The following STT3B variants were observed in gnomAD, a reference collection of about 807,000 sequenced individuals.
STT3B encodes STT3 oligosaccharyltransferase complex catalytic subunit B.
Under a neutral mutation model 96.8 loss-of-function variants are expected in STT3B, and 29 were observed. That is an observed-to-expected ratio of 0.30 (90% CI 0.22 to 0.41). STT3B has a LOEUF of 0.41. Ranked by LOEUF, STT3B falls within the 10% of genes least tolerant of loss-of-function variation. STT3B has a pLI of 1.00. For synonymous variants in STT3B, 367 were observed against 360.0 expected (o/e 1.02, Z -0.22); for missense variants, 640 against 1,022.3 (o/e 0.63, Z 5.10).
At chr3:31,557,922 A>AT (rs944859428) in intron 1 of STT3B, among the ~76,000 whole-genome samples, 1 of 152,110 alleles carries the variant, frequency 6.6e-6, no homozygotes, top group African/African-American at 2.4e-5. Flanking sequence ...GAGCCACTGT[A>AT]TTTTTTATAT....
intron 1 of STT3B, among the ~76,000 whole-genome samples, chr3:31,572,980 A>G (rs1273513806): frequency 1.3e-5 from 2 of 152,200 alleles, no homozygotes; most frequent in South Asian, 2.1e-4. Context: ...AATTTTATCT[A>G]TGTCAAGATG....
At chr3:31,625,486 T>A (rs906971576) in intron 12 of STT3B, among the ~76,000 whole-genome samples, 3 of 152,254 alleles carry the variant, frequency 2.0e-5, no homozygotes, top group Non-Finnish European at 4.4e-5. Context: ...CTGCATAGAT[T>A]AATGTAATCC....
chr3:31,600,771 C>G (rs1698910584), intron 5 of STT3B, among the ~76,000 whole-genome samples: 1 of 151,816 alleles, frequency 6.6e-6, no homozygotes, highest in Non-Finnish European at 1.5e-5. Context: ...TTTTTTATAT[C>G]GAATTCAACT....
chr3:31,612,020 T>C (rs1699191744), intron 5 of STT3B, among the ~76,000 whole-genome samples: 1 of 152,212 alleles, frequency 6.6e-6, no homozygotes, highest in Admixed American at 6.5e-5. Flanking sequence ...TTCAACTTTA[T>C]TTAATGGAAG....
chr3:31,594,778 A>T (rs1024559557), intron 3 of STT3B, among the ~76,000 whole-genome samples: 1 of 152,176 alleles, frequency 6.6e-6, no homozygotes, highest in African/African-American at 2.4e-5. Context: ...GGAAACACTT[A>T]GTTCAATTTG....
chr3:31,593,897 A>C (rs536163083), intron 3 of STT3B, among the ~76,000 whole-genome samples: 1 of 152,294 alleles, frequency 6.6e-6, no homozygotes, highest in East Asian at 1.9e-4. Context: ...ACTCAGAAGT[A>C]GTTTTTATCA....
intron 1 of STT3B, among the ~76,000 whole-genome samples, chr3:31,548,908 G>A (rs1000996917): frequency 6.6e-6 from 1 of 152,272 alleles, no homozygotes; most frequent in African/African-American, 2.4e-5. Context: ...GAAAAAAACT[G>A]CTTACTACAT....
intron 13 of STT3B, 154 bp from the exon 14 acceptor site, chr3:31,629,144 A>G: frequency 5.0e-6 from 3 of 595,722 alleles, no homozygotes; most frequent in Non-Finnish European, 8.9e-6. Flanking sequence ...CATGGTTCGA[A>G]GTCTGGTGGG....
At chr3:31,607,178 G>A (rs1271348378) in intron 5 of STT3B, among the ~76,000 whole-genome samples, 1 of 152,168 alleles carries the variant, frequency 6.6e-6, no homozygotes, top group Non-Finnish European at 1.5e-5. Flanking sequence ...GATTTGCCTT[G>A]TCTTGGATGA....
intron 1 of STT3B, among the ~76,000 whole-genome samples, chr3:31,567,700 T>A (rs1003894296): frequency 3.3e-5 from 5 of 152,192 alleles, no homozygotes; most frequent in African/African-American, 9.6e-5. Flanking sequence ...AGATATAATT[T>A]TTAATTTTTT....
chr3:31,593,518 T>G (rs1698714703), intron 3 of STT3B, among the ~76,000 whole-genome samples: 1 of 152,140 alleles, frequency 6.6e-6, no homozygotes, highest in Non-Finnish European at 1.5e-5. Flanking sequence ...TAATTGTTTC[T>G]TTAAATGTTT....
intron 1 of STT3B, among the ~76,000 whole-genome samples, chr3:31,562,090 C>T (rs1032581938): frequency 6.6e-6 from 1 of 152,078 alleles, no homozygotes; most frequent in African/African-American, 2.4e-5. Flanking sequence ...TGACAGCGTT[C>T]GTGCATCCAG....
chr3:31,554,077 C>G (rs1697634137), intron 1 of STT3B, among the ~76,000 whole-genome samples: 1 of 152,186 alleles, frequency 6.6e-6, no homozygotes, highest in African/African-American at 2.4e-5. Flanking sequence ...CAAAAGACAT[C>G]TGTTTAAGTG....
chr3:31,533,279 G>A lies in STT3B; in HGVS notation c.281G>A (p.Arg94His). 1.3e-6 allele frequency: 2 copies of A among 1,528,646 alleles called. No homozygotes were observed. Among genetic ancestry groups the A allele is most frequent in the Non-Finnish European group, 1.8e-6 (2 of 1,138,044 alleles). 94.7% of individuals were successfully genotyped at this position (1,528,646 alleles called of 1,614,324 possible). ...AGCTCGCGCCTCTTCGCCGTCATCC[G>A]CTTCGAAAGCATCATCCACGAGTTC... ...GFSSRLFAVI[R>H]FESIIHEFDP... Residue 94 changes from arginine to histidine, a missense_variant, in exon 1 of 16, where the codon CGC becomes CAC. Physicochemically the swap from Arg to His is conservative, Grantham distance 29. This residue lies in a region of STT3B where 267 missense variants were observed against 388.3 expected (regional missense o/e 0.69). Transcript: ENST00000295770.
At chr3:31,535,342 T>A (rs555221240) in intron 1 of STT3B, among the ~76,000 whole-genome samples, 14 of 151,746 alleles carry the variant, frequency 9.2e-5, no homozygotes, top group Admixed American at 3.3e-4. Context: ...TATTATTTTT[T>A]TTTTTTTAGT....
intron 1 of STT3B, among the ~76,000 whole-genome samples, chr3:31,544,356 G>A (rs1341942259): frequency 6.6e-6 from 1 of 152,150 alleles, no homozygotes; most frequent in Non-Finnish European, 1.5e-5. Flanking sequence ...AATGGAAATA[G>A]CTTTGTTCTT....
At chr3:31,603,753 T>G (rs1698986180) in intron 5 of STT3B, among the ~76,000 whole-genome samples, 1 of 151,366 alleles carries the variant, frequency 6.6e-6, no homozygotes, top group Non-Finnish European at 1.5e-5. Flanking sequence ...AATATGGAAC[T>G]AACTTAAATG....
chr3:31,561,550 C>T (rs996943842), intron 1 of STT3B, among the ~76,000 whole-genome samples: 3 of 152,046 alleles, frequency 2.0e-5, no homozygotes, highest in African/African-American at 7.2e-5. Flanking sequence ...GCCCATTTAA[C>T]CATCCCCACC....
At position 31,637,262 on chromosome 3, in the gene STT3B, AT is replaced by A. The variant is rs1699769735; in HGVS notation, c.*1199del. On this transcript the variant is annotated 3_prime_UTR_variant, in exon 16 of 16. Coordinates refer to ENST00000295770, the MANE Select transcript of STT3B (RefSeq NM_178862.3). ...GAAAGGGTTTTTCCTGCCACAGGATATAACTTTTTTTTATATAACAAGCATA... is the reference window on the plus strand; with the variant it reads ...GAAAGGGTTTTTCCTGCCACAGGATAAACTTTTTTTTATATAACAAGCATA... The A allele has an allele frequency of 6.6e-6, 1 of 152,198 alleles. No individual in the cohort carries two copies. The highest frequency in any genetic ancestry group is 6.5e-5 in the Admixed American group (1 of 15,270). The allele number at this position is 152,198 out of a possible 1,614,324, so 9.4% of individuals were successfully genotyped here. A position where few individuals can be genotyped will look rare whatever the true frequency, so the allele number is the denominator to read the frequency against.
Sources: allele counts gnomAD v4.1 joint callset (sites outside exome capture counted in the v4.1 genomes callset), GRCh38; gene constraint gnomAD v4.1.1; regional missense constraint gnomAD v4.1.1; transcripts MANE v1.5; gene names NCBI Gene and HGNC (gene_info 2026-07-23, HGNC 2026-07-21).